CREB3L2: variants seen among roughly 807,000 people sequenced by gnomAD.
The protein encoded by CREB3L2 is cAMP responsive element binding protein 3 like 2, also known as cyclic AMP-responsive element-binding protein 3-like protein 2.
Under a neutral mutation model 57.2 loss-of-function variants are expected in CREB3L2, and 23 were observed. The ratio of observed to expected loss-of-function variants is 0.40; its 90% CI spans 0.29 to 0.57. The LOEUF (loss-of-function observed/expected upper bound fraction) is 0.57, where lower values mean the gene tolerates loss of function less well. Ranked by LOEUF, CREB3L2 falls within the 20% of genes least tolerant of loss-of-function variation. The pLI, the probability that CREB3L2 is intolerant of heterozygous loss-of-function variation, is 0.42. For missense variants in CREB3L2, 628 were observed against 634.7 expected, an observed-to-expected ratio of 0.99 and a Z score of 0.11; for synonymous variants, 268 against 265.1, an observed-to-expected ratio of 1.01 and a Z score of -0.11.
rs762487672 is a variant in CREB3L2, at chr7:137,915,857, G to A, written c.475C>T (p.Pro159Ser). ...CATACCCCAGTGTTCATTTCCAGAG[G>A]AGGTTCCTCCTTTTCCAACGGGGTG... The part of the protein sequence containing the change: ...ISTPLEKEEP[P>S]LEMNTGVDSS... The change falls in exon 3 of 12, where the codon CCT (proline) becomes TCT (serine). Residue 159 changes from proline (P) to serine (S), a missense_variant. By Grantham distance (74) the Pro-to-Ser change is moderately conservative. Coordinates refer to ENST00000330387, the MANE Select transcript of CREB3L2 (RefSeq NM_194071.4). 10 of 1,614,048 alleles carry A rather than the reference G, an allele frequency of 6.2e-6. No homozygotes were observed. Among genetic ancestry groups the A allele is most frequent in the South Asian group, 1.1e-5 (1 of 91,056 alleles).
chr7:137,889,687 C>T (rs1799495916), intron 8 of CREB3L2, among the ~76,000 whole-genome samples: 1 of 152,182 alleles, frequency 6.6e-6, no homozygotes, highest in Non-Finnish European at 1.5e-5. Flanking sequence ...CAATCAGCAA[C>T]ACTGAGGCAT....
rs1441052061 is a variant in CREB3L2, at chr7:137,882,608, T to C, written c.1291A>G (p.Ile431Val). Residue 431 changes from isoleucine (I) to valine (V), a missense_variant, in exon 11 of 12, where the codon ATC becomes GTC. This residue lies in a region of CREB3L2 where 272 missense variants were observed against 242.7 expected (regional missense o/e 1.12). Transcript: ENST00000330387. ...ASVVRSRNLL[I>V]YEEHSPPEES... ...TCTGGGGGAGAATGTTCCTCGTAGA[T>C]CAGCAGGTTTCTGGATCTCACTGAG... The C allele has an allele frequency of 1.2e-6, 2 of 1,605,564 alleles. No individual in the cohort carries two copies. The highest frequency in any genetic ancestry group is 1.3e-5 in the African/African-American group (1 of 74,810).
At chr7:137,901,874 CAAAA>C (rs59855306) in intron 7 of CREB3L2, among the ~76,000 whole-genome samples, 6 of 57,834 alleles carry the variant, frequency 1.0e-4, no homozygotes, top group African/African-American at 1.8e-4. Flanking sequence ...AGATCTGTCT[CAAAA>C]AAAAAAAAAA....
intron 2 of CREB3L2, among the ~76,000 whole-genome samples, chr7:137,922,413 T>TATATATAC (rs1800326634): frequency 1.9e-4 from 4 of 21,118 alleles, no homozygotes; most frequent in East Asian, 6.9e-3. Flanking sequence ...TATATATATA[T>TATATATAC]ATGTATATAT....
At chr7:137,958,686 G>A (rs1304643767) in intron 1 of CREB3L2, among the ~76,000 whole-genome samples, 1 of 152,200 alleles carries the variant, frequency 6.6e-6, no homozygotes, top group African/African-American at 2.4e-5. Flanking sequence ...TTAAGGGCAG[G>A]CCCTTTCTCC....
intron 8 of CREB3L2, among the ~76,000 whole-genome samples, chr7:137,885,798 G>A (rs10237440): frequency 2.6e-5 from 4 of 152,174 alleles, no homozygotes; most frequent in Admixed American, 6.5e-5. Flanking sequence ...GTTTCTCAGC[G>A]ATTGAGAACA....
chr7:137,933,299 C>G (rs531427520), intron 1 of CREB3L2, among the ~76,000 whole-genome samples: 54 of 152,352 alleles, frequency 3.5e-4, no homozygotes, highest in African/African-American at 1.1e-3. Flanking sequence ...AAGGTCAAGT[C>G]CCGATCTGCT....
chr7:137,875,789 A>G lies in CREB3L2; in HGVS notation c.*4687T>C, dbSNP rs1445841236. The G allele has an allele frequency of 4.5e-6, 1 of 223,946 alleles. No individual in the cohort carries two copies. The highest frequency in any genetic ancestry group is 8.9e-6 in the Non-Finnish European group (1 of 112,200). 13.9% of individuals were successfully genotyped at this position (223,946 alleles called of 1,614,324 possible). A position where few individuals can be genotyped will look rare whatever the true frequency, so the allele number is the denominator to read the frequency against. ...CGTATCTATAAAACTGAAAGACTTA[A>G]AATTTACTTAGCACAGCACGCAACA... On this transcript the variant is annotated 3_prime_UTR_variant, in exon 12 of 12. Transcript: ENST00000330387.
intron 1 of CREB3L2, among the ~76,000 whole-genome samples, chr7:137,998,575 AT>A (rs748764773): frequency 3.3e-5 from 5 of 152,236 alleles, no homozygotes; most frequent in African/African-American, 4.8e-5. Flanking sequence ...TCCTGGTTCT[AT>A]CACTAAATAG....
intron 4 of CREB3L2, among the ~76,000 whole-genome samples, chr7:137,912,171 G>T (rs1800023207): frequency 6.6e-6 from 1 of 152,126 alleles, no homozygotes; most frequent in South Asian, 2.1e-4. Context: ...AAGGCTGAGA[G>T]TTCAAGACCA....
chr7:137,903,140 G>A (rs1032322070), intron 7 of CREB3L2, among the ~76,000 whole-genome samples: 2 of 152,112 alleles, frequency 1.3e-5, no homozygotes, highest in Admixed American at 6.6e-5. Flanking sequence ...GAATATTTTA[G>A]ACCCATGGTT....
At chr7:137,938,797 C>G (rs1800835864) in intron 1 of CREB3L2, among the ~76,000 whole-genome samples, 1 of 152,180 alleles carries the variant, frequency 6.6e-6, no homozygotes, top group Non-Finnish European at 1.5e-5. Context: ...GATCCACTTT[C>G]CCAAATGCAT....
At chr7:137,969,340 C>CTT (rs71177936) in intron 1 of CREB3L2, among the ~76,000 whole-genome samples, 305 of 76,984 alleles carry the variant, frequency 4.0e-3, no homozygotes, top group Non-Finnish European at 4.7e-3. Flanking sequence ...TTATGATCTT[C>CTT]TTTTTTTTTT....
intron 1 of CREB3L2, among the ~76,000 whole-genome samples, chr7:137,966,335 A>G (rs1185087518): frequency 1.3e-5 from 2 of 152,232 alleles, no homozygotes; most frequent in Non-Finnish European, 1.5e-5. Context: ...TTTGGATGGT[A>G]ATGTGATGCA....
chr7:137,898,588 A>G (rs1799674077), intron 8 of CREB3L2, among the ~76,000 whole-genome samples: 1 of 152,250 alleles, frequency 6.6e-6, no homozygotes. Flanking sequence ...ATAAGTATAC[A>G]TTGTGGAGAA....
intron 1 of CREB3L2, among the ~76,000 whole-genome samples, chr7:137,950,588 G>A (rs902556310): frequency 6.6e-6 from 1 of 152,090 alleles, no homozygotes; most frequent in African/African-American, 2.4e-5. Flanking sequence ...GGAGTGAGGA[G>A]GTATTACGAA....
At chr7:137,999,851 TAAAAG>T (rs1247633208) in intron 1 of CREB3L2, 1 of 152,004 alleles carries the variant, frequency 6.6e-6, no homozygotes, top group East Asian at 1.9e-4. Flanking sequence ...AAAATAGAAA[TAAAAG>T]AAAAATAATC....
chr7:137,894,388 T>C (rs1358799094), intron 8 of CREB3L2, among the ~76,000 whole-genome samples: 1 of 152,208 alleles, frequency 6.6e-6, no homozygotes, highest in Middle Eastern at 3.2e-3. Flanking sequence ...AGGAATCTCA[T>C]ATCTTCTATA....
chr7:137,979,932 G>T (rs17169473), intron 1 of CREB3L2, among the ~76,000 whole-genome samples: 4,757 of 152,238 alleles, frequency 0.031, 100 homozygotes, highest in African/African-American at 0.057. Context: ...CAGTTTCTTG[G>T]GCTCCATCTA....
Sources: gnomAD v4.1 joint callset for allele counts (sites outside exome capture counted in the v4.1 genomes callset) on GRCh38, gnomAD v4.1.1 for gene constraint, gnomAD v4.1.1 regional missense constraint, MANE v1.5 for transcripts, NCBI Gene and HGNC (gene_info 2026-07-23, HGNC 2026-07-21) for gene names.